The following ADGRB3 variants were observed in gnomAD, a reference collection of about 807,000 sequenced individuals.
ADGRB3 encodes adhesion G protein-coupled receptor B3.
ADGRB3 carries 37 observed loss-of-function variants against 193.4 expected under a neutral mutation model. The observed-to-expected ratio is 0.19, with a 90% CI of 0.15 to 0.25. The LOEUF is 0.25. Ranked by LOEUF, ADGRB3 falls within the 10% of genes least tolerant of loss-of-function variation. The pLI, the probability that ADGRB3 is intolerant of heterozygous loss-of-function variation, is 1.00. For synonymous variants in ADGRB3, 690 were observed against 644.2 expected (o/e 1.07, Z -1.08); for missense variants, 1,637 against 1,852.9 (o/e 0.88, Z 2.14).
chr6:69,287,087 C>A (rs1767568055), intron 20 of ADGRB3, among the ~76,000 whole-genome samples: 1 of 152,170 alleles, frequency 6.6e-6, no homozygotes, highest in Admixed American at 6.5e-5. Flanking sequence ...ATTGCACAAA[C>A]ATCTTAAGTT....
intron 3 of ADGRB3, among the ~76,000 whole-genome samples, chr6:68,667,395 T>G (rs1340414163): frequency 6.6e-6 from 1 of 151,932 alleles, no homozygotes; most frequent in Non-Finnish European, 1.5e-5. Context: ...AATTCATAGG[T>G]CTTCCCCTGC....
chr6:68,874,944 C>T (rs2150221565), intron 3 of ADGRB3, among the ~76,000 whole-genome samples: 1 of 152,292 alleles, frequency 6.6e-6, no homozygotes, highest in Admixed American at 6.5e-5. Flanking sequence ...GTGCAGATAG[C>T]TGTGCCTCAC....
chr6:68,877,199 G>T (rs911776921), intron 3 of ADGRB3, among the ~76,000 whole-genome samples: 5 of 151,810 alleles, frequency 3.3e-5, no homozygotes, highest in Admixed American at 6.6e-5. Flanking sequence ...AAATTAATGG[G>T]TAAAATTATA....
At chr6:68,663,062 G>A (rs1768708045) in intron 3 of ADGRB3, among the ~76,000 whole-genome samples, 2 of 151,088 alleles carry the variant, frequency 1.3e-5, no homozygotes, top group Admixed American at 6.6e-5. Flanking sequence ...ATATTATATG[G>A]AAAAGTAAAT....
chr6:69,224,341 A>G (rs886956600), intron 17 of ADGRB3, among the ~76,000 whole-genome samples: 4 of 152,116 alleles, frequency 2.6e-5, no homozygotes, highest in African/African-American at 9.7e-5. Flanking sequence ...AAAGTAACAT[A>G]TGTTTAAATG....
At chr6:69,289,326 G>A (rs1195547376) in intron 20 of ADGRB3, among the ~76,000 whole-genome samples, 1 of 152,130 alleles carries the variant, frequency 6.6e-6, no homozygotes, top group Non-Finnish European at 1.5e-5. Context: ...TGGAAGAGAA[G>A]ATGTGTATCT....
chr6:69,284,511 T>G (rs951585470), intron 20 of ADGRB3, among the ~76,000 whole-genome samples: 1 of 152,072 alleles, frequency 6.6e-6, no homozygotes, highest in African/African-American at 2.4e-5. Flanking sequence ...GGCCAAGCAC[T>G]CAACAAAGAT....
intron 17 of ADGRB3, among the ~76,000 whole-genome samples, chr6:69,174,063 T>C (rs1278166643): frequency 4.3e-3 from 3 of 702 alleles, no homozygotes; most frequent in South Asian, 0.14. Flanking sequence ...AAATTACTCA[T>C]GTACTTTTTT....
chr6:69,252,559 A>G (rs1052655994), intron 20 of ADGRB3, among the ~76,000 whole-genome samples: 2 of 152,070 alleles, frequency 1.3e-5, no homozygotes, highest in African/African-American at 2.4e-5. Flanking sequence ...CCAGTGTTAC[A>G]TATTCTTGGC....
intron 13 of ADGRB3, among the ~76,000 whole-genome samples, chr6:69,022,613 T>G (rs969186949): frequency 2.0e-5 from 3 of 151,958 alleles, no homozygotes; most frequent in African/African-American, 7.2e-5. Flanking sequence ...TCCTTTGTGC[T>G]TTGCTAACCA....
chr6:68,958,657 T>TA (rs1768145051), intron 8 of ADGRB3, among the ~76,000 whole-genome samples: 1 of 152,044 alleles, frequency 6.6e-6, no homozygotes, highest in African/African-American at 2.4e-5. Flanking sequence ...TAAGGCAGGT[T>TA]AAAAAAATAT....
chr6:69,177,450 G>A (rs527418944), intron 17 of ADGRB3, among the ~76,000 whole-genome samples: 36 of 151,924 alleles, frequency 2.4e-4, no homozygotes, highest in African/African-American at 6.0e-4. Flanking sequence ...TCTGCCTCCC[G>A]GGTTCACACC....
intron 5 of ADGRB3, among the ~76,000 whole-genome samples, chr6:68,941,592 G>A (rs768769093): frequency 9.9e-5 from 15 of 151,824 alleles, no homozygotes; most frequent in African/African-American, 2.4e-4. Flanking sequence ...AAAAATGAGC[G>A]GAAGCAGCAA....
At chr6:68,739,261 G>C (rs1467317999) in intron 3 of ADGRB3, among the ~76,000 whole-genome samples, 1 of 152,126 alleles carries the variant, frequency 6.6e-6, no homozygotes, top group East Asian at 1.9e-4. Context: ...AAAGATCTTT[G>C]TAGGAATTTT....
chr6:69,256,527 T>A (rs1200581034), intron 20 of ADGRB3, among the ~76,000 whole-genome samples: 1 of 152,010 alleles, frequency 6.6e-6, no homozygotes, highest in African/African-American at 2.4e-5. Flanking sequence ...TGTATAAGAA[T>A]GCTTGTGATT....
chr6:68,799,592 G>T (rs547295306), intron 3 of ADGRB3, among the ~76,000 whole-genome samples: 141 of 152,110 alleles, frequency 9.3e-4, no homozygotes, highest in Middle Eastern at 3.4e-3. Flanking sequence ...CTGTCCTTAG[G>T]TAGTGTACAT....
intron 15 of ADGRB3, among the ~76,000 whole-genome samples, chr6:69,059,262 A>T (rs968340253): frequency 6.6e-6 from 1 of 152,066 alleles, no homozygotes; most frequent in Non-Finnish European, 1.5e-5. Flanking sequence ...TTTGTTTGAT[A>T]TAAGTGTAGC....
At chr6:69,379,105 G>A (rs866816286) in intron 30 of ADGRB3, among the ~76,000 whole-genome samples, 3 of 151,938 alleles carry the variant, frequency 2.0e-5, no homozygotes, top group African/African-American at 7.2e-5. Flanking sequence ...TGAATGCAAG[G>A]AAACATTATC....
intron 3 of ADGRB3, among the ~76,000 whole-genome samples, chr6:68,902,148 C>G (rs141520054): frequency 0.013 from 1,923 of 152,074 alleles, 20 homozygotes; most frequent in Middle Eastern, 0.031. Context: ...TATATATATT[C>G]TGAAACCAGT....
Sources: allele counts gnomAD v4.1 joint callset (sites outside exome capture counted in the v4.1 genomes callset), GRCh38; gene constraint gnomAD v4.1.1; transcripts MANE v1.5; gene names NCBI Gene and HGNC (gene_info 2026-07-23, HGNC 2026-07-21).